ADGRL4: variants seen among roughly 807,000 people sequenced by gnomAD.
ADGRL4 encodes adhesion G protein-coupled receptor L4.
A neutral mutation model predicts 74.8 loss-of-function variants in ADGRL4; 90 were observed. The observed-to-expected ratio is 1.20, with a 90% CI of 1.02 to 1.43. The LOEUF is 1.43. ADGRL4 is among the 40% of genes most tolerant of loss of function. ADGRL4 has a pLI of 0.00. For synonymous variants in ADGRL4, 311 were observed against 279.2 expected, an observed-to-expected ratio of 1.11 and a Z score of -1.14; for missense variants, 881 against 814.3, an observed-to-expected ratio of 1.08 and a Z score of -1.00.
intron 12 of ADGRL4, among the ~76,000 whole-genome samples, chr1:78,895,547 A>G (rs1359615511): frequency 2.6e-5 from 4 of 152,160 alleles, no homozygotes; most frequent in African/African-American, 4.8e-5. Flanking sequence ...CTGTCTTGGG[A>G]CTTAGCATTT....
intron 12 of ADGRL4, among the ~76,000 whole-genome samples, chr1:78,894,516 T>G (rs373829169): frequency 2.0e-5 from 3 of 151,840 alleles, no homozygotes; most frequent in Non-Finnish European, 1.5e-5. Context: ...AATAATTAAC[T>G]GAAATGACAA....
chr1:78,957,335 T>A (rs960450821), intron 2 of ADGRL4, among the ~76,000 whole-genome samples: 11 of 152,146 alleles, frequency 7.2e-5, no homozygotes, highest in African/African-American at 2.2e-4. Flanking sequence ...GAGGAAGGCA[T>A]GTCAAAAGCT....
At chr1:78,976,141 G>A (rs2100721787) in intron 2 of ADGRL4, among the ~76,000 whole-genome samples, 2 of 152,024 alleles carry the variant, frequency 1.3e-5, no homozygotes, top group South Asian at 4.1e-4. Flanking sequence ...AAGGTGACTA[G>A]AGTTTACAGG....
At chr1:78,915,526 A>C (rs931238327) in intron 12 of ADGRL4, among the ~76,000 whole-genome samples, 4 of 151,824 alleles carry the variant, frequency 2.6e-5, no homozygotes, top group Admixed American at 2.6e-4. Context: ...AGAAAAGAAA[A>C]ACTTCTAATA....
chr1:78,946,153 A>G, intron 3 of ADGRL4, 121 bp downstream of exon 3: 1 of 562,512 alleles, frequency 1.8e-6, no homozygotes, highest in Non-Finnish European at 2.8e-6. Context: ...CATTTCTGAA[A>G]GTACTTAACA....
intron 2 of ADGRL4, among the ~76,000 whole-genome samples, chr1:79,002,675 C>G (rs772696681): frequency 6.6e-6 from 1 of 151,976 alleles, no homozygotes; most frequent in African/African-American, 2.4e-5. Context: ...GAATCCAAGT[C>G]GGTTTGATTC....
At chr1:78,990,452 T>C (rs900014673) in intron 2 of ADGRL4, among the ~76,000 whole-genome samples, 1 of 151,968 alleles carries the variant, frequency 6.6e-6, no homozygotes, top group Admixed American at 6.6e-5. Context: ...CTTAACACAA[T>C]AATGCAATTT....
intron 2 of ADGRL4, among the ~76,000 whole-genome samples, chr1:78,991,780 T>C (rs1650612748): frequency 6.6e-6 from 1 of 152,030 alleles, no homozygotes; most frequent in African/African-American, 2.4e-5. Flanking sequence ...AGATTATTTC[T>C]GCTCCCATAG....
At chr1:79,006,285 G>T (rs1035678588) in intron 1 of ADGRL4, among the ~76,000 whole-genome samples, 1 of 152,144 alleles carries the variant, frequency 6.6e-6, no homozygotes, top group African/African-American at 2.4e-5. Context: ...TCAAAATGAA[G>T]CTCAAATCTG....
intron 2 of ADGRL4, among the ~76,000 whole-genome samples, chr1:78,961,729 A>T (rs1649956251): frequency 6.6e-6 from 1 of 152,152 alleles, no homozygotes; most frequent in African/African-American, 2.4e-5. Flanking sequence ...TGTATGACTT[A>T]GAAAAAGATG....
intron 8 of ADGRL4, among the ~76,000 whole-genome samples, chr1:78,922,112 G>T (rs951327922): frequency 6.6e-6 from 1 of 151,870 alleles, no homozygotes; most frequent in Non-Finnish European, 1.5e-5. Context: ...ATTAATCCAG[G>T]TACTAAAAAT....
intron 12 of ADGRL4, among the ~76,000 whole-genome samples, chr1:78,911,612 TAAAC>T (rs1648764111): frequency 1.4e-4 from 1 of 7,388 alleles, no homozygotes; most frequent in Non-Finnish European, 4.4e-4. Flanking sequence ...AATCAAGATC[TAAAC>T]ACACACACAC....
intron 2 of ADGRL4, among the ~76,000 whole-genome samples, chr1:78,979,937 G>A (rs996259072): frequency 7.2e-5 from 11 of 151,806 alleles, no homozygotes; most frequent in African/African-American, 2.7e-4. Flanking sequence ...TGGGTACAGG[G>A]TACACTGCTT....
chr1:78,909,648 A>G (rs1323552023), intron 12 of ADGRL4, among the ~76,000 whole-genome samples: 1 of 151,924 alleles, frequency 6.6e-6, no homozygotes, highest in African/African-American at 2.4e-5. Flanking sequence ...CTCAGTAGAT[A>G]ATAATATCTA....
chr1:78,995,532 G>A (rs1474586692), intron 2 of ADGRL4, among the ~76,000 whole-genome samples: 1 of 152,196 alleles, frequency 6.6e-6, no homozygotes, highest in Admixed American at 6.5e-5. Flanking sequence ...GCCAGCTCCA[G>A]AGATCAGAGT....
intron 2 of ADGRL4, among the ~76,000 whole-genome samples, chr1:78,961,679 C>G (rs1649955346): frequency 6.6e-6 from 1 of 152,046 alleles, no homozygotes; most frequent in African/African-American, 2.4e-5. Context: ...AGCAGGACAT[C>G]AGGGTCACAT....
intron 12 of ADGRL4, among the ~76,000 whole-genome samples, chr1:78,902,931 T>A (rs145621607): frequency 8.1e-4 from 123 of 152,264 alleles, no homozygotes; most frequent in African/African-American, 2.9e-3. Context: ...AAGCTTTCCA[T>A]CCTTTAGAGT....
At chr1:78,905,332 A>G (rs1648613735) in intron 12 of ADGRL4, among the ~76,000 whole-genome samples, 1 of 152,060 alleles carries the variant, frequency 6.6e-6, no homozygotes, top group Non-Finnish European at 1.5e-5. Context: ...CTATATTGCA[A>G]AGGGTGACCC....
At chr1:78,997,833 A>C (rs1650749411) in intron 2 of ADGRL4, among the ~76,000 whole-genome samples, 1 of 152,184 alleles carries the variant, frequency 6.6e-6, no homozygotes, top group Non-Finnish European at 1.5e-5. Context: ...TCTGAAGTAA[A>C]AGAGATTTCA....
Sources: gnomAD v4.1 joint callset for allele counts (sites outside exome capture counted in the v4.1 genomes callset) on GRCh38, gnomAD v4.1.1 for gene constraint, MANE v1.5 for transcripts, NCBI Gene and HGNC (gene_info 2026-07-23, HGNC 2026-07-21) for gene names.